Variants in ATP6V1D observed in about 807,000 individuals in gnomAD.
ATP6V1D encodes the protein V-type proton ATPase subunit D.
ATP6V1D carries 20 observed loss-of-function variants against 39.4 expected under a neutral mutation model. That is an observed-to-expected ratio of 0.51 (90% CI 0.36 to 0.74). The LOEUF (loss-of-function observed/expected upper bound fraction) is 0.74. Ranked by LOEUF, ATP6V1D falls within the 30% of genes least tolerant of loss-of-function variation. The pLI is 0.00. For missense variants in ATP6V1D, 228 were observed against 291.6 expected, an observed-to-expected ratio of 0.78 and a Z score of 1.59; for synonymous variants, 100 against 100.5, an observed-to-expected ratio of 0.99 and a Z score of 0.03.
In ATP6V1D at chr14:67,354,317, CTTAT is replaced by C. The variant is rs574229510; in HGVS notation, c.42-1281_42-1278del. Among the ~76,000 whole-genome samples, 117 of 152,232 alleles carry C rather than the reference CTTAT, an allele frequency of 7.7e-4. 1 individual carries two copies. The highest frequency in any genetic ancestry group is 2.8e-3 in the African/African-American group (115 of 41,530). ...TTATGATGCCAACATAGTTTAAATA[CTTAT>C]TTGATTTGTAAGTTAAAATAATATC... On this transcript the variant is annotated intron_variant, in intron 1 of 8. Transcript: ENST00000216442.
chr14:67,349,149 T>C (rs1203602332), intron 3 of ATP6V1D, 45 bp from the exon 4 acceptor site: 1 of 1,575,864 alleles, frequency 6.3e-7, no homozygotes, highest in South Asian at 1.1e-5. Context: ...TCTTCAGAAA[T>C]AAACCTACAG....
intron 3 of ATP6V1D, among the ~76,000 whole-genome samples, 197 bp downstream of exon 3, chr14:67,350,414 C>T (rs969369779): frequency 3.3e-5 from 5 of 152,104 alleles, no homozygotes; most frequent in South Asian, 2.1e-4. Flanking sequence ...AAGTATCCTG[C>T]GCCTGCAACT....
intron 7 of ATP6V1D, among the ~76,000 whole-genome samples, chr14:67,341,466 G>T (rs1056027735): frequency 5.0e-4 from 76 of 152,224 alleles, no homozygotes; most frequent in African/African-American, 1.8e-3. Flanking sequence ...GGGAGGTTGG[G>T]GGGTCAGCCC....
At position 67,338,586 on chromosome 14, in the gene ATP6V1D, T is replaced by A; in HGVS notation, c.*35A>T. On this transcript the variant is annotated 3_prime_UTR_variant, in exon 9 of 9. Transcript: ENST00000216442. ...ACACTGTGAATTAAAATGAAGCCAG[T>A]GTTAGGGTTTCTCAAAGAACCAGAA... is the stretch of plus-strand genomic sequence containing the variant. The A allele has an allele frequency of 6.2e-7, 1 of 1,602,826 alleles. No individual in the cohort carries two copies. Among genetic ancestry groups the A allele is most frequent in the Middle Eastern group, 1.7e-4 (1 of 5,992 alleles).
chr14:67,352,890 A>C, intron 2 of ATP6V1D, 33 bp downstream of exon 2: 1 of 1,463,516 alleles, frequency 6.8e-7, no homozygotes, highest in Non-Finnish European at 9.4e-7. Flanking sequence ...ATTTTTCTAA[A>C]ATAAATACTA....
At chr14:67,344,900 C>CA (rs1320906667) in intron 6 of ATP6V1D, among the ~76,000 whole-genome samples, 36 of 146,682 alleles carry the variant, frequency 2.5e-4, no homozygotes, top group South Asian at 1.3e-3. Context: ...AACAAACAAA[C>CA]AAACAAAAAA....
At chr14:67,354,301 C>T (rs920504184) in intron 1 of ATP6V1D, among the ~76,000 whole-genome samples, 2 of 152,012 alleles carry the variant, frequency 1.3e-5, no homozygotes, top group African/African-American at 4.8e-5. Flanking sequence ...TTTATGATGC[C>T]AACATAGTTT....
At chr14:67,345,043 A>G (rs2141098156) in intron 6 of ATP6V1D, among the ~76,000 whole-genome samples, 1 of 152,192 alleles carries the variant, frequency 6.6e-6, no homozygotes, top group African/African-American at 2.4e-5. Flanking sequence ...GGAGTTCGAG[A>G]CCAGCCTGGA....
chr14:67,353,184 T>A, intron 1 of ATP6V1D, 144 bp from the exon 2 acceptor site: 1 of 624,064 alleles, frequency 1.6e-6, no homozygotes, highest in Non-Finnish European at 2.8e-6. Context: ...CTGACAGGTT[T>A]AACTGATGCT....
At chr14:67,349,131 T>C in intron 3 of ATP6V1D, 27 bp from the exon 4 acceptor site, 1 of 1,605,636 alleles carries the variant, frequency 6.2e-7, no homozygotes, top group Middle Eastern at 1.7e-4. Context: ...AGACTTTATT[T>C]AGCAGACTCT....
intron 6 of ATP6V1D, among the ~76,000 whole-genome samples, chr14:67,344,335 TG>T (rs1173777026): frequency 6.6e-6 from 1 of 152,192 alleles, no homozygotes; most frequent in Non-Finnish European, 1.5e-5. Context: ...TCCTCACATT[TG>T]GCTTTCAATA....
intron 3 of ATP6V1D, 110 bp downstream of exon 3, chr14:67,350,501 T>C (rs1266623649): frequency 7.1e-6 from 6 of 842,612 alleles, no homozygotes; most frequent in Non-Finnish European, 1.1e-5. Flanking sequence ...ATTATTACTA[T>C]ATCATTTGTC....
chr14:67,349,797 C>T (rs1317838219), intron 3 of ATP6V1D, among the ~76,000 whole-genome samples: 3 of 152,208 alleles, frequency 2.0e-5, no homozygotes, highest in Non-Finnish European at 4.4e-5. Flanking sequence ...GATCTCCACC[C>T]TCTGCTAGAA....
At chr14:67,358,185 G>T (rs1014351978) in intron 1 of ATP6V1D, among the ~76,000 whole-genome samples, 3 of 152,134 alleles carry the variant, frequency 2.0e-5, no homozygotes, top group African/African-American at 4.8e-5. Flanking sequence ...TTTCAGTGCA[G>T]AAGTTTTGAC....
At chr14:67,353,405 A>G (rs2085667886) in intron 1 of ATP6V1D, among the ~76,000 whole-genome samples, 1 of 152,180 alleles carries the variant, frequency 6.6e-6, no homozygotes, top group African/African-American at 2.4e-5. Flanking sequence ...AATCCCAGCT[A>G]CAGGTGTAAG....
Position 67,338,782 on chromosome 14 carries a change from G to A in ATP6V1D, c.603-20C>T, listed in dbSNP as rs1157326545. On this transcript the variant is annotated intron_variant, in intron 8 of 8. Coordinates refer to ENST00000216442, the MANE Select transcript of ATP6V1D (RefSeq NM_015994.4). ...TTTAACCTGTAAAATACAGGTGGGG[G>A]TGGATTTTTTAAACACTGTTTCAAT... 1.3e-6 allele frequency: 2 copies of A among 1,596,748 alleles called. 1 individual carries two copies. The highest frequency in any genetic ancestry group is 2.3e-5 in the South Asian group (2 of 88,622).
intron 7 of ATP6V1D, among the ~76,000 whole-genome samples, chr14:67,340,955 T>C (rs372659049): frequency 0.03 from 4,601 of 152,336 alleles, 88 homozygotes; most frequent in Non-Finnish European, 0.036. Context: ...GGATTGCAGA[T>C]GGAGTCTCGT....
intron 5 of ATP6V1D, among the ~76,000 whole-genome samples, chr14:67,346,079 T>C (rs1456977046): frequency 6.6e-6 from 1 of 152,208 alleles, no homozygotes; most frequent in East Asian, 1.9e-4. Context: ...AATACTATTC[T>C]AAATATAACT....
In ATP6V1D at chr14:67,343,438, T is replaced by C; in HGVS notation, c.457A>G (p.Thr153Ala). Residue 153 changes from threonine (T) to alanine (A), a missense_variant and splice_region_variant, in exon 7 of 9, where the codon ACT (threonine) becomes GCT (alanine). By Grantham distance (58) the Thr-to-Ala change is moderately conservative. Around this residue, in one of 3 missense-constraint regions of ATP6V1D, gnomAD observed 114 missense variants for 128.3 expected, o/e 0.89. Coordinates refer to ENST00000216442, the MANE Select transcript of ATP6V1D (RefSeq NM_015994.4). Reference protein sequence around the residue: ...ELLVELASLQTSFVTLDEAIK... With the variant: ...ELLVELASLQASFVTLDEAIK... ...GCTTCATCCAAAGTAACAAAAGAAG[T>C]CTAAAATAAGAACAAATTAATAATG... 6.3e-7 allele frequency: 1 copy of C among 1,595,202 alleles called. No individual in the cohort carries two copies. The highest frequency in any genetic ancestry group is 1.7e-4 in the Middle Eastern group (1 of 6,010).
Sources: allele counts gnomAD v4.1 joint callset (sites outside exome capture counted in the v4.1 genomes callset), GRCh38; gene constraint gnomAD v4.1.1; regional missense constraint gnomAD v4.1.1; transcripts MANE v1.5; gene names NCBI Gene and HGNC (gene_info 2026-07-23, HGNC 2026-07-21).